The following LHFPL4 variants were observed in gnomAD, a reference collection of about 807,000 sequenced individuals.
LHFPL4 encodes LHFPL tetraspan subfamily member 4.
LHFPL4 carries 6 observed loss-of-function variants against 20.0 expected under a neutral mutation model. The ratio of observed to expected loss-of-function variants is 0.30; its 90% CI spans 0.16 to 0.59. The LOEUF is 0.59. LHFPL4 is among the 20% of genes least tolerant of loss of function. The probability of loss-of-function intolerance (pLI) is 0.88; values close to 1 mark genes in which losing one functional copy is unlikely to be tolerated. For missense variants in LHFPL4, 215 were observed against 331.2 expected, an observed-to-expected ratio of 0.65 and a Z score of 2.72; for synonymous variants, 129 against 143.8, an observed-to-expected ratio of 0.90 and a Z score of 0.74.
At chr3:9,527,578 G>T (rs2046383441) in intron 2 of LHFPL4, among the ~76,000 whole-genome samples, 1 of 151,770 alleles carries the variant, frequency 6.6e-6, no homozygotes, top group African/African-American at 2.4e-5. Context: ...CATGGTACAA[G>T]CGCCTGTAGT....
intron 2 of LHFPL4, among the ~76,000 whole-genome samples, chr3:9,546,823 C>G (rs2046517786): frequency 5.3e-5 from 8 of 152,186 alleles, no homozygotes; most frequent in Admixed American, 3.9e-4. Flanking sequence ...TTCTCATACA[C>G]CAGGACCACA....
intron 3 of LHFPL4, 138 bp downstream of exon 3, chr3:9,505,829 G>A: frequency 2.4e-6 from 2 of 818,314 alleles, no homozygotes; most frequent in South Asian, 1.6e-5. Flanking sequence ...AAAGTGCTGG[G>A]ATTATAGGCG....
intron 2 of LHFPL4, chr3:9,550,910 A>G (rs902313326): frequency 1.3e-5 from 2 of 152,216 alleles, no homozygotes; most frequent in African/African-American, 4.8e-5. Context: ...TGGATTTGTA[A>G]AAGTCCTCTT....
chr3:9,505,998 C>G lies in LHFPL4; in HGVS notation c.612G>C (p.Leu204=). Residue 204 remains leucine, a synonymous_variant, in exon 3 of 4, where the codon CTG becomes CTC. Coordinates refer to ENST00000287585, the MANE Select transcript of LHFPL4 (RefSeq NM_198560.3). ...AFVLGNRQTD[L]LQEELKPENK... ...TCTCCGGCTTGAGCTCCTCCTGCAGCAGGTCTGTTTGCCGGTTGCCCAGCA... is the reference window on the plus strand; with the variant it reads ...TCTCCGGCTTGAGCTCCTCCTGCAGGAGGTCTGTTTGCCGGTTGCCCAGCA... The G allele has an allele frequency of 1.2e-6, 2 of 1,614,232 alleles. No homozygotes were observed. The highest frequency in any genetic ancestry group is 3.3e-5 in the Admixed American group (2 of 60,026).
intron 2 of LHFPL4, among the ~76,000 whole-genome samples, chr3:9,545,072 C>T (rs747340692): frequency 1.3e-5 from 2 of 151,246 alleles, no homozygotes; most frequent in Non-Finnish European, 2.9e-5. Flanking sequence ...ACACACGACA[C>T]GGTCAGTAAA....
chr3:9,534,541 A>G (rs1436562612), intron 2 of LHFPL4, among the ~76,000 whole-genome samples: 3 of 152,224 alleles, frequency 2.0e-5, no homozygotes, highest in Middle Eastern at 3.2e-3. Flanking sequence ...CATATTTATA[A>G]GACACTGACA....
intron 2 of LHFPL4, among the ~76,000 whole-genome samples, chr3:9,512,857 C>T (rs1486848993): frequency 1.3e-5 from 2 of 152,270 alleles, no homozygotes; most frequent in South Asian, 2.1e-4. Flanking sequence ...GGGGCTATAC[C>T]CCAGGAGTGG....
chr3:9,548,562 A>G (rs756698019), intron 2 of LHFPL4, among the ~76,000 whole-genome samples: 2 of 152,086 alleles, frequency 1.3e-5, no homozygotes, highest in Non-Finnish European at 2.9e-5. Context: ...TCGCTTCCCA[A>G]CTAAGCTGGC....
chr3:9,537,862 G>T (rs1329333343), intron 2 of LHFPL4, among the ~76,000 whole-genome samples: 1 of 151,794 alleles, frequency 6.6e-6, no homozygotes, highest in Admixed American at 6.6e-5. Context: ...GCCTCAAATC[G>T]CCATCCACAG....
At chr3:9,520,180 A>G (rs1188112889) in intron 2 of LHFPL4, among the ~76,000 whole-genome samples, 1 of 152,032 alleles carries the variant, frequency 6.6e-6, no homozygotes, top group African/African-American at 2.4e-5. Context: ...ATTTGGCTGC[A>G]TGGTAGGGCT....
intron 2 of LHFPL4, among the ~76,000 whole-genome samples, chr3:9,530,418 C>A (rs2046401775): frequency 6.6e-6 from 1 of 152,212 alleles, no homozygotes; most frequent in Non-Finnish European, 1.5e-5. Flanking sequence ...CCAACCTCTG[C>A]TAGCTTCCAA....
At chr3:9,539,144 G>C (rs2046461769) in intron 2 of LHFPL4, among the ~76,000 whole-genome samples, 1 of 152,044 alleles carries the variant, frequency 6.6e-6, no homozygotes, top group Non-Finnish European at 1.5e-5. Context: ...CCTGATCCAG[G>C]GCACTCATAA....
rs190680529 is a variant in LHFPL4, at chr3:9,548,188, T to C, written c.406+4086A>G. 6.7e-3 allele frequency among the ~76,000 whole-genome samples: 1,014 copies of C among 152,294 alleles called. 4 individuals carry two copies. The highest frequency in any genetic ancestry group is 0.012 in the Admixed American group (176 of 15,274). On this transcript the variant is annotated intron_variant, in intron 2 of 3. Transcript: ENST00000287585. ...AACTGTATGACCTTGGACAAATGAC[T>C]TTTTCCTCTTTGAAGCTCAGCTTGA... is the stretch of plus-strand genomic sequence containing the variant.
chr3:9,533,044 C>G (rs2046420582), intron 2 of LHFPL4, among the ~76,000 whole-genome samples: 1 of 152,188 alleles, frequency 6.6e-6, no homozygotes, highest in Non-Finnish European at 1.5e-5. Flanking sequence ...CCCCTGTGTG[C>G]TAGGACCCTC....
chr3:9,523,450 C>CTTTATTTATTTA (rs199544534), intron 2 of LHFPL4, among the ~76,000 whole-genome samples: 3 of 147,872 alleles, frequency 2.0e-5, no homozygotes, highest in African/African-American at 7.5e-5. Flanking sequence ...GAGACAGAGT[C>CTTTATTTATTTA]TTTATTTATT....
chr3:9,511,007 C>A (rs2046255926), intron 2 of LHFPL4, among the ~76,000 whole-genome samples: 1 of 151,272 alleles, frequency 6.6e-6, no homozygotes, highest in African/African-American at 2.4e-5. Context: ...TAACTATGTG[C>A]CAGAGTGCTA....
intron 2 of LHFPL4, among the ~76,000 whole-genome samples, chr3:9,515,404 C>T (rs1483976997): frequency 3.9e-5 from 6 of 152,138 alleles, no homozygotes; most frequent in Admixed American, 2.0e-4. Flanking sequence ...GACGGAGTCT[C>T]GCTCTGTTGC....
chr3:9,542,667 G>A (rs1264068794), intron 2 of LHFPL4, among the ~76,000 whole-genome samples: 1 of 151,572 alleles, frequency 6.6e-6, no homozygotes, highest in Non-Finnish European at 1.5e-5. Flanking sequence ...AAATTAGCCG[G>A]GCATGGTGAC....
intron 2 of LHFPL4, among the ~76,000 whole-genome samples, chr3:9,540,615 T>C (rs1297042693): frequency 6.6e-6 from 1 of 152,130 alleles, no homozygotes; most frequent in African/African-American, 2.4e-5. Context: ...CAGCCTGGGT[T>C]GGTCATAGTG....
Sources: allele counts gnomAD v4.1 joint callset (sites outside exome capture counted in the v4.1 genomes callset), GRCh38; gene constraint gnomAD v4.1.1; transcripts MANE v1.5; gene names NCBI Gene and HGNC (gene_info 2026-07-23, HGNC 2026-07-21).